NAALADL2: variants seen among roughly 807,000 people sequenced by gnomAD.
The protein encoded by NAALADL2 is inactive N-acetylated-alpha-linked acidic dipeptidase-like protein 2.
In NAALADL2, 76 loss-of-function variants were observed where a neutral mutation model predicts 87.2. That is an observed-to-expected ratio of 0.87 (90% confidence interval 0.72 to 1.05). NAALADL2 has a LOEUF of 1.05. NAALADL2 is among the 50% of genes least tolerant of loss of function. The probability of loss-of-function intolerance (pLI) is 0.00; values close to 1 mark genes in which losing one functional copy is unlikely to be tolerated. For synonymous variants in NAALADL2, 354 were observed against 331.0 expected, an observed-to-expected ratio of 1.07 and a Z score of -0.75; for missense variants, 1,089 against 945.8, an observed-to-expected ratio of 1.15 and a Z score of -1.99.
intron 2 of NAALADL2, among the ~76,000 whole-genome samples, chr3:175,170,087 A>G (rs1157428741): frequency 2.0e-5 from 3 of 151,856 alleles, no homozygotes; most frequent in South Asian, 2.1e-4. Flanking sequence ...TGTTTTTATT[A>G]AGTAACTGAC....
chr3:174,481,683 A>G (rs753740032), intron 1 of NAALADL2, among the ~76,000 whole-genome samples: 1 of 152,150 alleles, frequency 6.6e-6, no homozygotes, highest in Non-Finnish European at 1.5e-5. Context: ...AAGGATACCA[A>G]ACAAAATCAG....
At chr3:175,175,096 T>A (rs2108944408) in intron 2 of NAALADL2, among the ~76,000 whole-genome samples, 1 of 152,144 alleles carries the variant, frequency 6.6e-6, no homozygotes, top group Admixed American at 6.6e-5. Context: ...TTTATTAAAT[T>A]TATACAAATT....
chr3:175,041,370 A>C (rs1754057925), intron 1 of NAALADL2, among the ~76,000 whole-genome samples: 4 of 152,164 alleles, frequency 2.6e-5, no homozygotes, highest in Non-Finnish European at 5.9e-5. Flanking sequence ...TTGCAGAATG[A>C]CTTGAAGTTT....
chr3:175,331,304 G>A (rs1195211258), intron 5 of NAALADL2, among the ~76,000 whole-genome samples: 2 of 152,082 alleles, frequency 1.3e-5, no homozygotes, highest in African/African-American at 4.8e-5. Context: ...ATTCTATCAT[G>A]CCAGCATTAC....
intron 2 of NAALADL2, among the ~76,000 whole-genome samples, chr3:175,131,076 T>A (rs1011014605): frequency 2.0e-5 from 3 of 152,176 alleles, no homozygotes; most frequent in African/African-American, 4.8e-5. Context: ...CTTTTAAATT[T>A]CTTTTATCAG....
chr3:175,313,722 G>A (rs938127216), intron 4 of NAALADL2, among the ~76,000 whole-genome samples: 19 of 152,216 alleles, frequency 1.2e-4, no homozygotes, highest in Admixed American at 1.2e-3. Context: ...ATATGTTTTG[G>A]TTAAAAGTAA....
chr3:175,306,967 C>G (rs1034006207), intron 4 of NAALADL2, among the ~76,000 whole-genome samples: 5 of 152,162 alleles, frequency 3.3e-5, no homozygotes, highest in African/African-American at 1.2e-4. Context: ...GTGGTAGGCC[C>G]ACTGTGATCT....
At chr3:175,022,866 C>T (rs541517801) in intron 1 of NAALADL2, among the ~76,000 whole-genome samples, 20 of 152,188 alleles carry the variant, frequency 1.3e-4, no homozygotes, top group African/African-American at 4.8e-4. Context: ...TGTGAAGTGT[C>T]TACCTAAAGT....
At chr3:175,035,525 C>G (rs1242310584) in intron 1 of NAALADL2, among the ~76,000 whole-genome samples, 1 of 152,026 alleles carries the variant, frequency 6.6e-6, no homozygotes, top group African/African-American at 2.4e-5. Flanking sequence ...GGGCACAATA[C>G]TCTCAAGGTT....
chr3:175,599,774 A>G (rs1275012167), intron 10 of NAALADL2, among the ~76,000 whole-genome samples: 2 of 152,200 alleles, frequency 1.3e-5, no homozygotes, highest in African/African-American at 4.8e-5. Flanking sequence ...CCAAAATGGT[A>G]TCTTTATTAT....
At chr3:174,742,233 G>T (rs1416098536) in intron 3 of NAALADL2, among the ~76,000 whole-genome samples, 2 of 151,600 alleles carry the variant, frequency 1.3e-5, no homozygotes, top group African/African-American at 4.8e-5. Flanking sequence ...TTGGGTAGTG[G>T]CAGAATAAAG....
At chr3:175,033,986 G>T (rs1244875255) in intron 1 of NAALADL2, among the ~76,000 whole-genome samples, 1 of 152,094 alleles carries the variant, frequency 6.6e-6, no homozygotes, top group Non-Finnish European at 1.5e-5. Flanking sequence ...ACTGTGTACG[G>T]CCAAACCTAT....
intron 1 of NAALADL2, among the ~76,000 whole-genome samples, chr3:174,497,372 A>C (rs1404819559): frequency 6.6e-6 from 1 of 152,082 alleles, no homozygotes. Flanking sequence ...CAAACCTATA[A>C]TTCCAGCACT....
chr3:175,669,021 T>A (rs2149837274), intron 11 of NAALADL2, among the ~76,000 whole-genome samples: 1 of 152,240 alleles, frequency 6.6e-6, no homozygotes. Context: ...TTAAAAGTTA[T>A]ACTTTAGGAT....
At chr3:175,006,565 A>C (rs926158934) in intron 1 of NAALADL2, among the ~76,000 whole-genome samples, 1 of 151,914 alleles carries the variant, frequency 6.6e-6, no homozygotes. Context: ...AGCTGGTGCA[A>C]GTATTTTTTT....
At chr3:175,411,558 G>A (rs1426123455) in intron 5 of NAALADL2, among the ~76,000 whole-genome samples, 7 of 152,062 alleles carry the variant, frequency 4.6e-5, no homozygotes, top group Admixed American at 3.9e-4. Flanking sequence ...TAATAAAATT[G>A]TATAAGGGAG....
At chr3:175,234,656 G>A (rs984227020) in intron 3 of NAALADL2, among the ~76,000 whole-genome samples, 93 of 151,906 alleles carry the variant, frequency 6.1e-4, no homozygotes, top group African/African-American at 2.2e-3. Flanking sequence ...CTTTCATGAT[G>A]GAAAACACAT....
At chr3:175,457,926 T>C (rs1722562988) in intron 6 of NAALADL2, among the ~76,000 whole-genome samples, 1 of 152,094 alleles carries the variant, frequency 6.6e-6, no homozygotes, top group African/African-American at 2.4e-5. Flanking sequence ...CAGTATTGAG[T>C]CATTACTTAA....
chr3:175,250,614 A>T (rs1313264081), intron 3 of NAALADL2, among the ~76,000 whole-genome samples: 1 of 152,134 alleles, frequency 6.6e-6, no homozygotes, highest in Non-Finnish European at 1.5e-5. Flanking sequence ...CCAAATGCCC[A>T]TTGTTCCTTC....
Sources: allele counts gnomAD v4.1 joint callset (sites outside exome capture counted in the v4.1 genomes callset), GRCh38; gene constraint gnomAD v4.1.1; transcripts MANE v1.5; gene names NCBI Gene and HGNC (gene_info 2026-07-23, HGNC 2026-07-21).